ACTN1: variants seen among roughly 807,000 people sequenced by gnomAD.
ACTN1 encodes actinin alpha 1, also known as alpha-actinin-1.
Under a neutral mutation model 119.6 loss-of-function variants are expected in ACTN1, and 30 were observed. The ratio of observed to expected loss-of-function variants is 0.25; its 90% CI spans 0.19 to 0.34. The LOEUF is 0.34. Ranked by LOEUF, ACTN1 falls within the 10% of genes least tolerant of loss-of-function variation. The pLI is 1.00. For missense variants in ACTN1, 764 were observed against 1,223.4 expected (o/e 0.62, Z 5.60); for synonymous variants, 429 against 472.6 (o/e 0.91, Z 1.20).
chr14:68,883,246 G>A, intron 14 of ACTN1, 191 bp from the exon 15 acceptor site: 1 of 622,612 alleles, frequency 1.6e-6, no homozygotes, highest in Non-Finnish European at 2.8e-6. Context: ...AAAAGCAACA[G>A]CTTCATCCTT....
At position 68,884,347 on chromosome 14, in the gene ACTN1, G is replaced by A. The variant is rs71423332; in HGVS notation, c.1495-39C>T. The A allele has an allele frequency of 6.1e-3, 9,711 of 1,584,750 alleles. 61 individuals carry two copies. The highest frequency in any genetic ancestry group is 7.8e-3 in the Non-Finnish European group (9,081 of 1,161,234). ...ATAGGGTAAGGGTTAGTACAGTGAT[G>A]TCCAGAATCATCCCCCACTCCTATC... On this transcript the variant is annotated intron_variant, in intron 13 of 21. Transcript: ENST00000394419.
intron 2 of ACTN1, among the ~76,000 whole-genome samples, chr14:68,922,001 T>C (rs2034675600): frequency 6.6e-6 from 1 of 152,164 alleles, no homozygotes; most frequent in African/African-American, 2.4e-5. Flanking sequence ...ACAAAGAGCA[T>C]CCAGGGGCCT....
At chr14:68,972,716 T>C (rs2036928274) in intron 1 of ACTN1, among the ~76,000 whole-genome samples, 1 of 152,216 alleles carries the variant, frequency 6.6e-6, no homozygotes, top group African/African-American at 2.4e-5. Flanking sequence ...GGAGTGCAAA[T>C]GCTGGAGCCC....
intron 7 of ACTN1, among the ~76,000 whole-genome samples, chr14:68,902,848 G>C (rs1165097533): frequency 2.0e-5 from 3 of 152,168 alleles, no homozygotes; most frequent in Non-Finnish European, 4.4e-5. Context: ...GGGGTCAAAG[G>C]GAGGAGAGAA....
intron 1 of ACTN1, among the ~76,000 whole-genome samples, chr14:68,936,044 C>A (rs901229432): frequency 1.3e-5 from 2 of 152,226 alleles, no homozygotes; most frequent in African/African-American, 4.8e-5. Context: ...CACTTCAATC[C>A]CTTCCAGCTC....
At chr14:68,899,061 C>T (rs2033097049) in intron 8 of ACTN1, among the ~76,000 whole-genome samples, 1 of 143,574 alleles carries the variant, frequency 7.0e-6, no homozygotes, top group Non-Finnish European at 1.5e-5. Context: ...ACACCACACA[C>T]ACCTCACACA....
intron 1 of ACTN1, among the ~76,000 whole-genome samples, chr14:68,947,893 C>G (rs74059842): frequency 0.011 from 1,616 of 152,276 alleles, 31 homozygotes; most frequent in African/African-American, 0.037. Flanking sequence ...GAAGGGAGTG[C>G]GAGGTCAGAG....
chr14:68,921,484 G>C (rs1225284434), intron 2 of ACTN1: 1 of 171,236 alleles, frequency 5.8e-6, no homozygotes, highest in African/African-American at 2.4e-5. Context: ...TCCAGTAGGA[G>C]AGACAGACCT....
intron 8 of ACTN1, among the ~76,000 whole-genome samples, chr14:68,894,459 A>T (rs1277539411): frequency 6.6e-6 from 1 of 152,194 alleles, no homozygotes; most frequent in Non-Finnish European, 1.5e-5. Flanking sequence ...AGCAAAGGGA[A>T]GGAAAGGGGA....
chr14:68,879,279 C>A lies in ACTN1; in HGVS notation c.2281-210G>T, dbSNP rs2140061539. Among the ~76,000 whole-genome samples the A allele has an allele frequency of 6.6e-6, 1 of 152,150 alleles. No homozygotes were observed. The highest frequency in any genetic ancestry group is 2.1e-4 in the South Asian group (1 of 4,832). On this transcript the variant is annotated intron_variant, in intron 18 of 21. Coordinates refer to ENST00000394419, the MANE Select transcript of ACTN1 (RefSeq NM_001130004.2). The surrounding 1 kb of genome is among the most constrained non-coding windows in gnomAD (Gnocchi z 4.9). The stretch of plus-strand genomic sequence containing the variant: ...TCCAGGGGGTGCCCTCCCCCCAGCA[C>A]ACGCAGCCCTGCTCCAGGGAGCAGG...
At chr14:68,937,877 T>C (rs187071611) in intron 1 of ACTN1, among the ~76,000 whole-genome samples, 1 of 152,314 alleles carries the variant, frequency 6.6e-6, no homozygotes, top group East Asian at 1.9e-4. Flanking sequence ...AGCAGGGTCC[T>C]TGGAGAAGGC....
At chr14:68,901,104 G>A (rs866495555) in intron 8 of ACTN1, among the ~76,000 whole-genome samples, 3 of 152,048 alleles carry the variant, frequency 2.0e-5, no homozygotes, top group Admixed American at 6.6e-5. Flanking sequence ...GAAACAGCAG[G>A]GGAGGGAGTG....
intron 20 of ACTN1, chr14:68,877,951 G>C (rs911495619): frequency 6.2e-6 from 1 of 160,858 alleles, no homozygotes; most frequent in Non-Finnish European, 1.4e-5. Flanking sequence ...TGGCACCATG[G>C]CTCAGGAGTC....
At chr14:68,978,093 G>T (rs1248585114) in intron 1 of ACTN1, 1 of 455,172 alleles carries the variant, frequency 2.2e-6, no homozygotes, top group Admixed American at 2.4e-5. Context: ...GCGCGCACCC[G>T]GCACACCGCG....
At position 68,934,384 on chromosome 14, in the gene ACTN1, A is replaced by G. The variant is rs560547571; in HGVS notation, c.106-8712T>C. 2.0e-5 allele frequency among the ~76,000 whole-genome samples: 3 copies of G among 152,382 alleles called. No individual in the cohort carries two copies. The South Asian group carries it at 6.2e-4, about 32-fold the overall frequency. On this transcript the variant is annotated intron_variant, in intron 1 of 21. Transcript: ENST00000394419. The stretch of plus-strand genomic sequence containing the variant: ...ACCTGTCACAAGGGCCTGTGGTTAG[A>G]CATGTCACGCACATGCTGCCATGCT...
At position 68,925,991 on chromosome 14, in the gene ACTN1, T is replaced by A. The variant is rs2034905579; in HGVS notation, c.106-319A>T. Among the ~76,000 whole-genome samples the A allele has an allele frequency of 6.6e-6, 1 of 152,188 alleles. No homozygotes were observed. The highest frequency in any genetic ancestry group is 2.4e-5 in the African/African-American group (1 of 41,448). On this transcript the variant is annotated intron_variant, in intron 1 of 21. Coordinates refer to ENST00000394419, the MANE Select transcript of ACTN1 (RefSeq NM_001130004.2). This position sits in a 1 kb window ranked among gnomAD's most constrained non-coding sequence, Gnocchi z 4.3. ...CCACCCACATTTGAAAATGCCACAA[T>A]TCCATTCTTACAAGTTACCTCTTAA...
rs528805761 is a variant in ACTN1, at chr14:68,878,418, C to G, written c.2427+40G>C. 3.9e-6 allele frequency: 6 copies of G among 1,522,952 alleles called. No homozygotes were observed. Among genetic ancestry groups the G allele is most frequent in the Non-Finnish European group, 5.3e-6 (6 of 1,136,908 alleles). The allele number at this position is 1,522,952 out of a possible 1,614,324, so 94.3% of individuals were successfully genotyped here. A position where few individuals can be genotyped will look rare whatever the true frequency, so the allele number is the denominator to read the frequency against. On this transcript the variant is annotated intron_variant, in intron 20 of 21. Transcript: ENST00000394419. The surrounding 1 kb of genome is among the most constrained non-coding windows in gnomAD (Gnocchi z 4.4). ...CTTGGCTGCTCCCGCCAGCTGGCTG[C>G]CTTCTCACCAGGGCAGACAGAGGGT...
rs781278721 is a variant in ACTN1, at chr14:68,878,646, G to T, written c.2362-123C>A. 3.9e-6 allele frequency: 6 copies of T among 1,553,938 alleles called. No homozygotes were observed. In the South Asian group the frequency reaches 7.1e-5, roughly 18 times the overall value. ...ACGGGGATGAGATTTATGGTTTTGG[G>T]GGTCAGGATAGGTAAAGGAACATAG... is the stretch of plus-strand genomic sequence containing the variant. On this transcript the variant is annotated intron_variant, in intron 19 of 21. Coordinates refer to ENST00000394419, the MANE Select transcript of ACTN1 (RefSeq NM_001130004.2). This position sits in a 1 kb window ranked among gnomAD's most constrained non-coding sequence, Gnocchi z 4.4.
intron 1 of ACTN1, among the ~76,000 whole-genome samples, chr14:68,956,632 G>A (rs1170921818): frequency 6.6e-6 from 1 of 152,052 alleles, no homozygotes; most frequent in African/African-American, 2.4e-5. Context: ...CATACCCAGG[G>A]GAGCTAGAAT....
Sources: gnomAD v4.1 joint callset for allele counts (sites outside exome capture counted in the v4.1 genomes callset) on GRCh38, gnomAD v4.1.1 for gene constraint, Gnocchi (gnomAD v3.1) non-coding constraint, MANE v1.5 for transcripts, NCBI Gene and HGNC (gene_info 2026-07-23, HGNC 2026-07-21) for gene names.